Variants in RPN1 observed in about 807,000 individuals in gnomAD.
The protein encoded by RPN1 is ribophorin I.
Under a neutral mutation model 55.5 loss-of-function variants are expected in RPN1, and 12 were observed. That is an observed-to-expected ratio of 0.22 (90% CI 0.14 to 0.35). The LOEUF (loss-of-function observed/expected upper bound fraction) is 0.35, where lower values mean the gene tolerates loss of function less well. RPN1 is among the 10% of genes least tolerant of loss of function. RPN1 has a pLI of 1.00. For missense variants in RPN1, 679 were observed against 761.3 expected (o/e 0.89, Z 1.27); for synonymous variants, 317 against 305.9 (o/e 1.04, Z -0.38).
At chr3:128,634,883 T>G (rs2107717265) in intron 3 of RPN1, among the ~76,000 whole-genome samples, 1 of 152,176 alleles carries the variant, frequency 6.6e-6, no homozygotes, top group South Asian at 2.1e-4. Flanking sequence ...TCTATTAACT[T>G]AAAATGGAGG....
At chr3:128,624,007 A>G (rs570137036) in intron 8 of RPN1, among the ~76,000 whole-genome samples, 27 of 149,472 alleles carry the variant, frequency 1.8e-4, no homozygotes, top group South Asian at 8.4e-4. Flanking sequence ...ACACACACGC[A>G]CACACACACA....
intron 1 of RPN1, among the ~76,000 whole-genome samples, chr3:128,649,472 A>T (rs765043236): frequency 7.2e-5 from 11 of 152,238 alleles, no homozygotes; most frequent in Non-Finnish European, 1.5e-4. Context: ...ATCATGGACA[A>T]CGCATGAAAG....
At chr3:128,624,684 C>A (rs1468304573) in intron 8 of RPN1, among the ~76,000 whole-genome samples, 1 of 151,794 alleles carries the variant, frequency 6.6e-6, no homozygotes, top group Non-Finnish European at 1.5e-5. Flanking sequence ...TCCCAAGTTG[C>A]CCCACTAGAA....
intron 2 of RPN1, among the ~76,000 whole-genome samples, chr3:128,639,855 G>A (rs1341649449): frequency 1.3e-5 from 2 of 152,262 alleles, no homozygotes; most frequent in South Asian, 2.1e-4. Context: ...CCAAAGTGCT[G>A]GGATTACAGG....
rs2069551261 is a variant in RPN1, at chr3:128,620,481, T to C, written c.1754A>G (p.Asn585Ser). The C allele has an allele frequency of 6.2e-7, 1 of 1,614,008 alleles. No individual in the cohort carries two copies. The highest frequency in any genetic ancestry group is 1.7e-5 in the Admixed American group (1 of 59,994). ...GCGCTTTCCTGAGATGAGCTTCTCA[T>C]TCTCAATGTACGTGTCTTTCTTGAG... Reference protein sequence around the residue: ...GKLKKDTYIENEKLISGKRQE... With the variant: ...GKLKKDTYIESEKLISGKRQE... The change falls in exon 10 of 10, where the codon AAT becomes AGT. Residue 585 changes from asparagine (N) to serine (S), a missense_variant. By Grantham distance (46) the Asn-to-Ser change is conservative. Coordinates refer to ENST00000296255, the MANE Select transcript of RPN1 (RefSeq NM_002950.4).
rs544291190 is a variant in RPN1 at position 128,627,225 on chromosome 3, A to C, written c.1037-393T>G. On this transcript the variant is annotated intron_variant, in intron 5 of 9. Transcript: ENST00000296255. ...GTTGTGCCCTGCCTAATGGTGAGTG[A>C]AACGGGCCTGCAGAAGGTCTACGAG... 24 of 230,726 alleles carry C rather than the reference A, an allele frequency of 1.0e-4. No individual in the cohort carries two copies. In the East Asian group the frequency reaches 2.1e-3, roughly 20 times the overall value. 14.3% of individuals were successfully genotyped at this position (230,726 alleles called of 1,614,324 possible). A position where few individuals can be genotyped will look rare whatever the true frequency, so the allele number is the denominator to read the frequency against.
chr3:128,650,431 G>C, intron 1 of RPN1, 109 bp downstream of exon 1: 1 of 1,158,478 alleles, frequency 8.6e-7, no homozygotes, highest in Non-Finnish European at 1.2e-6. Context: ...CGCCGCCCGG[G>C]TCTCCGCATT....
At position 128,625,930 on chromosome 3, in the gene RPN1, G is replaced by T; in HGVS notation, c.1219C>A (p.Pro407Thr). The T allele has an allele frequency of 6.2e-7, 1 of 1,613,970 alleles. No homozygotes were observed. Among genetic ancestry groups the T allele is most frequent in the Admixed American group, 1.7e-5 (1 of 59,976 alleles). Residue 407 changes from proline (P) to threonine (T), a missense_variant, in exon 7 of 10, where the codon CCT becomes ACT. By Grantham distance (38) the Pro-to-Thr change is conservative. Transcript: ENST00000296255. ...HYTYLDTFGR[P>T]VIVAYKKNLV... is the part of the protein sequence containing the mutation. ...TTTTTCTTGTAGGCAACAATCACAG[G>T]GCGGCCAAATGTGTCCAGATAGGTG...
Position 128,630,023 on chromosome 3 carries a change from G to C in RPN1, c.964C>G (p.Leu322Val), listed in dbSNP as rs756075171. 1 of 1,613,912 alleles carries C rather than the reference G, an allele frequency of 6.2e-7. No individual in the cohort carries two copies. The highest frequency in any genetic ancestry group is 1.1e-5 in the South Asian group (1 of 91,066). ...VEMEIRPRFP[L>V]FGGWKTHYIV... Reference sequence around the variant, plus strand: ...TAATGGGTCTTCCACCCGCCAAAGAGAGGGAAGCGAGGCCGGATTTCCATC... The same window carrying C: ...TAATGGGTCTTCCACCCGCCAAAGACAGGGAAGCGAGGCCGGATTTCCATC... Residue 322 changes from leucine to valine, a missense_variant, in exon 5 of 10, where the codon CTC (leucine) becomes GTC (valine). This residue lies in a region of RPN1 where 306 missense variants were observed against 360.0 expected (regional missense o/e 0.85). Coordinates refer to ENST00000296255, the MANE Select transcript of RPN1 (RefSeq NM_002950.4).
chr3:128,626,064 C>A, intron 6 of RPN1, 52 bp from the exon 7 acceptor site: 1 of 1,532,124 alleles, frequency 6.5e-7, no homozygotes, highest in South Asian at 1.3e-5. Context: ...CATCAATAAA[C>A]CAGATTTAGG....
At chr3:128,625,753 C>A in intron 7 of RPN1, 100 bp from the exon 8 acceptor site, 2 of 1,575,872 alleles carry the variant, frequency 1.3e-6, no homozygotes, top group Non-Finnish European at 1.7e-6. Flanking sequence ...CACCCCAAGA[C>A]CAGAAGACGC....
At chr3:128,640,917 T>G (rs1321466134) in intron 2 of RPN1, 1 of 152,230 alleles carries the variant, frequency 6.6e-6, no homozygotes, top group Non-Finnish European at 1.5e-5. Flanking sequence ...TGTTAAATGC[T>G]GCCACATAAT....
intron 1 of RPN1, among the ~76,000 whole-genome samples, chr3:128,645,477 A>G (rs2069759909): frequency 6.6e-6 from 1 of 152,006 alleles, no homozygotes; most frequent in Admixed American, 6.6e-5. Context: ...TCTAAAAAAA[A>G]AAAAGTGGCA....
intron 2 of RPN1, 66 bp from the exon 3 acceptor site, chr3:128,638,171 C>G (rs2069695553): frequency 1.6e-6 from 2 of 1,235,260 alleles, no homozygotes; most frequent in African/African-American, 3.0e-5. Context: ...AGTAGCAGTT[C>G]AAAGTCACAA....
chr3:128,624,350 C>T (rs1216294581), intron 8 of RPN1, among the ~76,000 whole-genome samples: 5 of 151,998 alleles, frequency 3.3e-5, no homozygotes, highest in South Asian at 2.1e-4. Flanking sequence ...CGTGGTGGCA[C>T]GTACCTGTAG....
Position 128,625,980 on chromosome 3 carries a change from C to G in RPN1, c.1169G>C (p.Ser390Thr). 1 of 1,611,394 alleles carries G rather than the reference C, an allele frequency of 6.2e-7. No individual in the cohort carries two copies. The highest frequency in any genetic ancestry group is 8.5e-7 in the Non-Finnish European group (1 of 1,179,136). The change falls in exon 7 of 10, where the codon AGC becomes ACC. Residue 390 changes from serine (S) to threonine (T), a missense_variant. By Grantham distance (58) the Ser-to-Thr change is moderately conservative. Around this residue, in one of 3 missense-constraint regions of RPN1, gnomAD observed 306 missense variants for 360.0 expected, o/e 0.85. Transcript: ENST00000296255. ...GTAGTGCAGCTCATCTGGGGCACGG[C>G]TGATTTCATAGGGACTATCAATTTC... ...NIEIDSPYEI[S>T]RAPDELHYTY...
chr3:128,622,331 G>T lies in RPN1; in HGVS notation c.1474C>A (p.Leu492Ile). The T allele has an allele frequency of 6.2e-7, 1 of 1,614,216 alleles. No individual in the cohort carries two copies. Residue 492 changes from leucine to isoleucine, a missense_variant, in exon 9 of 10, where the codon CTT (leucine) becomes ATT (isoleucine). Around this residue, in one of 3 missense-constraint regions of RPN1, gnomAD observed 306 missense variants for 360.0 expected, o/e 0.85. Coordinates refer to ENST00000296255, the MANE Select transcript of RPN1 (RefSeq NM_002950.4). Reference protein sequence around the residue: ...VLTLVNKRIGLYRHFDETVNR... With the variant: ...VLTLVNKRIGIYRHFDETVNR... The stretch of plus-strand genomic sequence containing the variant: ...ACGGTCTCGTCAAAGTGACGGTAAA[G>T]GCCTATTCTCTTGTTGACCAGGGTC...
intron 2 of RPN1, chr3:128,644,667 A>C: frequency 3.2e-6 from 2 of 620,632 alleles, no homozygotes; most frequent in Non-Finnish European, 6.0e-6. Context: ...AAAAAAAAAA[A>C]AATCCTCTAG....
intron 6 of RPN1, 65 bp from the exon 7 acceptor site, chr3:128,626,077 C>G: frequency 1.3e-6 from 2 of 1,487,574 alleles, no homozygotes; most frequent in South Asian, 1.3e-5. Context: ...GATTTAGGAT[C>G]AGAGAATTCC....
Sources: allele counts gnomAD v4.1 joint callset (sites outside exome capture counted in the v4.1 genomes callset), GRCh38; gene constraint gnomAD v4.1.1; regional missense constraint gnomAD v4.1.1; transcripts MANE v1.5; gene names NCBI Gene and HGNC (gene_info 2026-07-23, HGNC 2026-07-21).